VWA8: variants seen among roughly 807,000 people sequenced by gnomAD.
The protein encoded by VWA8 is von Willebrand factor A domain containing 8.
Under a neutral mutation model 241.5 loss-of-function variants are expected in VWA8, and 221 were observed. The observed-to-expected ratio is 0.91, with a 90% CI of 0.82 to 1.02. VWA8 has a LOEUF of 1.02. VWA8 is among the 50% of genes least tolerant of loss of function. The probability of loss-of-function intolerance (pLI) is 0.00; values close to 1 mark genes in which losing one functional copy is unlikely to be tolerated. For synonymous variants in VWA8, 852 were observed against 827.1 expected (o/e 1.03, Z -0.52); for missense variants, 2,322 against 2,328.7 (o/e 1.00, Z 0.06).
rs1044267413 is a variant in VWA8, at chr13:41,864,805, G to T, written c.1425+931C>A. Among the ~76,000 whole-genome samples the T allele has an allele frequency of 2.6e-5, 4 of 151,948 alleles. No homozygotes were observed. The East Asian group carries it at 7.7e-4, about 29-fold the overall frequency. ...TACTTATTGCCAGTGAATTGTACATGGCGAAACCCTGTCTCTACTAAAATA... is the reference window on the plus strand; with the variant it reads ...TACTTATTGCCAGTGAATTGTACATTGCGAAACCCTGTCTCTACTAAAATA... On this transcript the variant is annotated intron_variant, in intron 12 of 44. Coordinates refer to ENST00000379310, the MANE Select transcript of VWA8 (RefSeq NM_015058.2).
At chr13:41,856,647 C>T (rs1593820854) in intron 12 of VWA8, among the ~76,000 whole-genome samples, 1 of 151,910 alleles carries the variant, frequency 6.6e-6, no homozygotes, top group Non-Finnish European at 1.5e-5. Flanking sequence ...ATGGCAAAAC[C>T]CCATCTCTAC....
chr13:41,623,075 CT>C (rs1180169984), intron 37 of VWA8, among the ~76,000 whole-genome samples: 1 of 152,152 alleles, frequency 6.6e-6, no homozygotes, highest in African/African-American at 2.4e-5. Context: ...GAGGGAAAGT[CT>C]GTCAGGATGC....
intron 5 of VWA8, among the ~76,000 whole-genome samples, chr13:41,889,829 AT>A (rs892413051): frequency 4.6e-5 from 7 of 152,158 alleles, no homozygotes; most frequent in East Asian, 3.9e-4. Context: ...TATTCTGAGT[AT>A]TTTTTTTCCA....
intron 37 of VWA8, among the ~76,000 whole-genome samples, chr13:41,618,083 C>T (rs1029695714): frequency 3.3e-5 from 5 of 152,236 alleles, no homozygotes; most frequent in South Asian, 4.1e-4. Context: ...AACTAGTTTA[C>T]AGTCCCACCA....
Position 41,750,920 on chromosome 13 carries a change from C to T in VWA8, c.2426+10208G>A, listed in dbSNP as rs1012567539. ...AAAAAAACTCAAGCACAGTACAGTACAGTGGTTAGAACACAGGGCTGAAGC... is the reference window on the plus strand; with the variant it reads ...AAAAAAACTCAAGCACAGTACAGTATAGTGGTTAGAACACAGGGCTGAAGC... On this transcript the variant is annotated intron_variant, in intron 21 of 44. Transcript: ENST00000379310. Among the ~76,000 whole-genome samples, 3 of 150,868 alleles carry T rather than the reference C, an allele frequency of 2.0e-5. No individual in the cohort carries two copies. The East Asian group carries it at 5.8e-4, about 29-fold the overall frequency.
intron 12 of VWA8, among the ~76,000 whole-genome samples, chr13:41,855,365 TTAA>T (rs955716968): frequency 6.9e-5 from 10 of 145,014 alleles, no homozygotes; most frequent in Admixed American, 1.4e-4. Context: ...TTAATATATA[TTAA>T]TATTATATAA....
intron 37 of VWA8, among the ~76,000 whole-genome samples, chr13:41,631,877 G>C (rs191126441): frequency 2.2e-4 from 33 of 152,284 alleles, no homozygotes; most frequent in Non-Finnish European, 4.1e-4. Context: ...CACCCTTCCT[G>C]CTGCCTCCTC....
At chr13:41,653,698 G>A (rs2044883313) in intron 37 of VWA8, among the ~76,000 whole-genome samples, 1 of 152,202 alleles carries the variant, frequency 6.6e-6, no homozygotes, top group East Asian at 1.9e-4. Flanking sequence ...GCACCATACT[G>A]GTACAAAAAC....
intron 26 of VWA8, among the ~76,000 whole-genome samples, chr13:41,710,854 G>A (rs372225506): frequency 2.0e-5 from 3 of 152,146 alleles, no homozygotes; most frequent in African/African-American, 7.2e-5. Flanking sequence ...CCCTGGCAGG[G>A]GGATGTTCTT....
intron 12 of VWA8, among the ~76,000 whole-genome samples, chr13:41,853,243 T>C (rs1042128691): frequency 1.5e-4 from 23 of 152,150 alleles, no homozygotes; most frequent in African/African-American, 5.5e-4. Context: ...TTCAGCTTTT[T>C]ACCATTGAGC....
intron 37 of VWA8, among the ~76,000 whole-genome samples, chr13:41,646,144 T>C (rs1469737658): frequency 6.6e-6 from 1 of 152,162 alleles, no homozygotes; most frequent in Non-Finnish European, 1.5e-5. Context: ...TTTTGTATTT[T>C]TAGTAGAGAA....
At chr13:41,898,201 C>T (rs1875223622) in intron 4 of VWA8, among the ~76,000 whole-genome samples, 2 of 151,774 alleles carry the variant, frequency 1.3e-5, no homozygotes, top group East Asian at 3.9e-4. Context: ...TAAAGGTTCT[C>T]CAAGGCCCCA....
intron 8 of VWA8, among the ~76,000 whole-genome samples, chr13:41,883,745 TCTTGA>T (rs1874379692): frequency 6.6e-6 from 1 of 152,172 alleles, no homozygotes; most frequent in Non-Finnish European, 1.5e-5. Flanking sequence ...CTATGTCTGG[TCTTGA>T]CTTCTTTCTT....
chr13:41,872,618 G>C (rs1282198331), intron 9 of VWA8, among the ~76,000 whole-genome samples: 2 of 152,164 alleles, frequency 1.3e-5, no homozygotes, highest in African/African-American at 2.4e-5. Context: ...GACAGTTGTA[G>C]ATATATGGCG....
rs375624414 is a variant in VWA8 at position 41,818,263 on chromosome 13, G to A, written c.1869+955C>T. ...CAGGCATGAGCCACCGCACCTGGCC[G>A]AATTTTTAAAAAATTAATTTAACAT... On this transcript the variant is annotated intron_variant, in intron 15 of 44. Transcript: ENST00000379310. 5.8e-4 allele frequency among the ~76,000 whole-genome samples: 84 copies of A among 145,150 alleles called. 1 individual carries two copies. The highest frequency in any genetic ancestry group is 1.9e-3 in the African/African-American group (76 of 40,146).
At chr13:41,796,452 C>CT (rs1214162395) in intron 17 of VWA8, among the ~76,000 whole-genome samples, 1 of 151,956 alleles carries the variant, frequency 6.6e-6, no homozygotes, top group Non-Finnish European at 1.5e-5. Context: ...AGAAAATTGT[C>CT]TTTTTTAGTA....
chr13:41,654,395 TC>T (rs1190602887), intron 37 of VWA8, among the ~76,000 whole-genome samples: 1 of 152,188 alleles, frequency 6.6e-6, no homozygotes, highest in East Asian at 1.9e-4. Flanking sequence ...AGTAGAGCAG[TC>T]CCCAACATTT....
chr13:41,912,806 T>A (rs1876074833), intron 2 of VWA8, among the ~76,000 whole-genome samples: 1 of 152,186 alleles, frequency 6.6e-6, no homozygotes, highest in African/African-American at 2.4e-5. Context: ...TGCAACGCCC[T>A]TCCAGGTCTA....
intron 40 of VWA8, among the ~76,000 whole-genome samples, chr13:41,595,025 T>C (rs2044479252): frequency 6.6e-6 from 1 of 152,172 alleles, no homozygotes; most frequent in Non-Finnish European, 1.5e-5. Flanking sequence ...GATCACAGAA[T>C]GCTTAAAACT....
Sources: allele counts gnomAD v4.1 joint callset (sites outside exome capture counted in the v4.1 genomes callset), GRCh38; gene constraint gnomAD v4.1.1; transcripts MANE v1.5; gene names NCBI Gene and HGNC (gene_info 2026-07-23, HGNC 2026-07-21).